Variants in VHL observed in about 807,000 individuals in gnomAD.
VHL encodes the protein von Hippel-Lindau tumor suppressor.
In VHL, 10 loss-of-function variants were observed where a neutral mutation model predicts 19.2. The observed-to-expected ratio is 0.52, with a 90% confidence interval of 0.32 to 0.89. The LOEUF is 0.89. Among genes scored for constraint, VHL ranks in the 40% least tolerant of loss-of-function variants. VHL has a pLI of 0.03. For missense variants in VHL, 328 were observed against 292.7 expected (o/e 1.12, Z -0.88); for synonymous variants, 167 against 129.5 (o/e 1.29, Z -1.97).
chr3:10,146,506 C>G lies in VHL; in HGVS notation c.341-8C>G, dbSNP rs1272767361. On this transcript the variant is annotated splice_polypyrimidine_tract_variant and splice_region_variant and intron_variant, in intron 1 of 2. Coordinates refer to ENST00000256474, the MANE Select transcript of VHL (RefSeq NM_000551.4). ...TGGCTCTTTAACAACCTTTGCTTGT[C>G]CCGATAGGTCACCTTTGGCTCTTCA... The G allele has an allele frequency of 1.2e-6, 2 of 1,613,358 alleles. No individual in the cohort carries two copies. Among genetic ancestry groups the G allele is most frequent in the Non-Finnish European group, 1.7e-6 (2 of 1,179,580 alleles).
At chr3:10,144,496 CT>C (rs34512214) in intron 1 of VHL, among the ~76,000 whole-genome samples, 15 of 116,604 alleles carry the variant, frequency 1.3e-4, no homozygotes, top group East Asian at 4.7e-4. Context: ...TCTATCTTGT[CT>C]TTTTTTTTTT....
chr3:10,148,874 T>C (rs1195454022), intron 2 of VHL, among the ~76,000 whole-genome samples: 4 of 151,386 alleles, frequency 2.6e-5, no homozygotes, highest in Admixed American at 1.3e-4. Flanking sequence ...GGTTTCACCA[T>C]GTTGACCAGG....
chr3:10,144,989 C>A (rs570466274), intron 1 of VHL, among the ~76,000 whole-genome samples: 1 of 152,254 alleles, frequency 6.6e-6, no homozygotes, highest in South Asian at 2.1e-4. Context: ...GTCAGGAGTT[C>A]AAGACCAGCC....
At position 10,146,743 on chromosome 3, in the gene VHL, G is replaced by A. The variant is rs915946923; in HGVS notation, c.463+107G>A. 4.5e-5 allele frequency: 62 copies of A among 1,372,984 alleles called. No homozygotes were observed. In the Admixed American group the frequency reaches 5.8e-4, roughly 13 times the overall value. 85.1% of individuals were successfully genotyped at this position (1,372,984 alleles called of 1,614,324 possible). A position where few individuals can be genotyped will look rare whatever the true frequency, so the allele number is the denominator to read the frequency against. The stretch of plus-strand genomic sequence containing the variant: ...TCAATTTTTGCCTGATGTCAGGCAC[G>A]TTATCCAATCTTTTTGTATCCTATT... On this transcript the variant is annotated intron_variant, in intron 2 of 2. Transcript: ENST00000256474.
rs771727849 is a variant in VHL, at chr3:10,146,608, G to A, written c.435G>A (p.Gln145=). Residue 145 remains glutamine, a synonymous_variant, in exon 2 of 3, where the codon CAG becomes CAA. Coordinates refer to ENST00000256474, the MANE Select transcript of VHL (RefSeq NM_000551.4). The part of the protein sequence containing the change: ...LFVPSLNVDG[Q]PIFANITLPV... ...TGCCATCTCTCAATGTTGACGGACA[G>A]CCTATTTTTGCCAATATCACACTGC... The A allele has an allele frequency of 1.2e-6, 2 of 1,613,976 alleles. No individual in the cohort carries two copies. Among genetic ancestry groups the A allele is most frequent in the Non-Finnish European group, 1.7e-6 (2 of 1,179,898 alleles).
rs1696392164 is a variant in VHL, at chr3:10,150,818, TGTGA to T, written c.*856_*859del. On this transcript the variant is annotated 3_prime_UTR_variant, in exon 3 of 3. Coordinates refer to ENST00000256474, the MANE Select transcript of VHL (RefSeq NM_000551.4). The stretch of plus-strand genomic sequence containing the variant: ...AATGGACAAATAAGTTTTTGCTAAA[TGTGA>T]GTATTTCTGTTCCTTTTTGTAAATA... 4.3e-6 allele frequency: 1 copy of T among 232,692 alleles called. No homozygotes were observed. Among genetic ancestry groups the T allele is most frequent in the Non-Finnish European group, 8.5e-6 (1 of 117,784 alleles). The allele number at this position is 232,692 out of a possible 1,614,324, so 14.4% of individuals were successfully genotyped here. A position where few individuals can be genotyped will look rare whatever the true frequency, so the allele number is the denominator to read the frequency against.
intron 1 of VHL, among the ~76,000 whole-genome samples, chr3:10,144,496 C>CT (rs34512214): frequency 0.69 from 80,021 of 116,146 alleles, 28,183 homozygotes; most frequent in East Asian, 0.83. Context: ...TCTATCTTGT[C>CT]TTTTTTTTTT....
rs375401722 is a variant in VHL at position 10,146,546 on chromosome 3, C to T, written c.373C>T (p.His125Tyr). The T allele has an allele frequency of 1.9e-5, 31 of 1,613,880 alleles. No homozygotes were observed. Among genetic ancestry groups the T allele is most frequent in the Non-Finnish European group, 2.3e-5 (27 of 1,179,922 alleles). ...TTGGCTCTTCAGAGATGCAGGGACA[C>T]ACGATGGGCTTCTGGTTAACCAAAC... ...HLWLFRDAGT[H>Y]DGLLVNQTEL... Residue 125 changes from histidine to tyrosine, a missense_variant, in exon 2 of 3, where the codon CAC becomes TAC. Physicochemically the swap from His to Tyr is moderately conservative, Grantham distance 83. Transcript: ENST00000256474.
Position 10,141,921 on chromosome 3 carries a change from C to G in VHL, c.74C>G (p.Pro25Arg), listed in dbSNP as rs35460768. 6.5e-7 allele frequency: 1 copy of G among 1,539,538 alleles called. No individual in the cohort carries two copies. Among genetic ancestry groups the G allele is most frequent in the South Asian group, 1.2e-5 (1 of 82,712 alleles). ...AEEAGVEEYG[P>R]EEDGGEESGA... ...GAGGCAGGCGTCGAAGAGTACGGCCCTGAAGAAGACGGCGGGGAGGAGTCG... is the reference window on the plus strand; with the variant it reads ...GAGGCAGGCGTCGAAGAGTACGGCCGTGAAGAAGACGGCGGGGAGGAGTCG... Residue 25 changes from proline to arginine, a missense_variant, in exon 1 of 3, where the codon CCT becomes CGT. Physicochemically the swap from Pro to Arg is moderately radical, Grantham distance 103. Transcript: ENST00000256474.
At position 10,150,457 on chromosome 3, in the gene VHL, A is replaced by G. The variant is rs1349888000; in HGVS notation, c.*492A>G. 3 of 765,160 alleles carry G rather than the reference A, an allele frequency of 3.9e-6. No individual in the cohort carries two copies. Among genetic ancestry groups the G allele is most frequent in the Middle Eastern group, 5.2e-4 (1 of 1,934 alleles). 47.4% of individuals were successfully genotyped at this position (765,160 alleles called of 1,614,324 possible). On this transcript the variant is annotated 3_prime_UTR_variant, in exon 3 of 3. Coordinates refer to ENST00000256474, the MANE Select transcript of VHL (RefSeq NM_000551.4). ...CTCTTTGAGACCCCAGTGCCTGCAC[A>G]TCATGAGCCTTCAGTCAGGGTTTGT...
At chr3:10,148,555 C>T (rs1173036807) in intron 2 of VHL, among the ~76,000 whole-genome samples, 1 of 151,672 alleles carries the variant, frequency 6.6e-6, no homozygotes, top group Non-Finnish European at 1.5e-5. Flanking sequence ...ACCTCGTGAT[C>T]CGCCCGCCTC....
chr3:10,146,173 CT>C (rs367615363), intron 1 of VHL, among the ~76,000 whole-genome samples: 190 of 131,506 alleles, frequency 1.4e-3, no homozygotes, highest in South Asian at 2.9e-3. Flanking sequence ...CAGTCTGGCT[CT>C]TTTTTTTTTT....
rs1457039250 is a variant in VHL, at chr3:10,141,986, G to A, written c.139G>A (p.Glu47Lys). 2 of 1,570,700 alleles carry A rather than the reference G, an allele frequency of 1.3e-6. No individual in the cohort carries two copies. Among genetic ancestry groups the A allele is most frequent in the Admixed American group, 1.9e-5 (1 of 53,202 alleles). The change falls in exon 1 of 3, where the codon GAA (glutamate) becomes AAA (lysine). Residue 47 changes from glutamate (E) to lysine (K), a missense_variant. Glu to Lys is a moderately conservative substitution (Grantham distance 56). Coordinates refer to ENST00000256474, the MANE Select transcript of VHL (RefSeq NM_000551.4). ...ESGPEESGPE[E>K]LGAEEEMEAG... ...CGGCCCGGAAGAGTCCGGCCCGGAG[G>A]AACTGGGCGCCGAGGAGGAGATGGA...
At position 10,146,613 on chromosome 3, in the gene VHL, T is replaced by C. The variant is rs1060503555; in HGVS notation, c.440T>C (p.Ile147Thr). The change falls in exon 2 of 3, where the codon ATT becomes ACT. Residue 147 changes from isoleucine to threonine, a missense_variant. Ile to Thr is a moderately conservative substitution (Grantham distance 89). Coordinates refer to ENST00000256474, the MANE Select transcript of VHL (RefSeq NM_000551.4). ...TCTCTCAATGTTGACGGACAGCCTA[T>C]TTTTGCCAATATCACACTGCCAGGT... ...VPSLNVDGQP[I>T]FANITLPVYT... 6.8e-6 allele frequency: 11 copies of C among 1,613,854 alleles called. No homozygotes were observed. The highest frequency in any genetic ancestry group is 8.5e-6 in the Non-Finnish European group (10 of 1,179,890).
At chr3:10,147,363 T>TG in intron 2 of VHL, among the ~76,000 whole-genome samples, 1 of 35,730 alleles carries the variant, frequency 2.8e-5, no homozygotes, top group Non-Finnish European at 5.5e-5. Context: ...AGAGGTGTTT[T>TG]TTTTTTTTTT....
rs1247645604 is a variant in VHL, at chr3:10,150,292, G to A, written c.*327G>A. On this transcript the variant is annotated 3_prime_UTR_variant, in exon 3 of 3. Coordinates refer to ENST00000256474, the MANE Select transcript of VHL (RefSeq NM_000551.4). ...AATTCAGTGGGAATTGCAGCATATC[G>A]TTTAATTTTAAGAAGGCATTGGCAT... is the stretch of plus-strand genomic sequence containing the variant. 8 of 1,276,414 alleles carry A rather than the reference G, an allele frequency of 6.3e-6. No individual in the cohort carries two copies. The highest frequency in any genetic ancestry group is 1.5e-5 in the African/African-American group (1 of 66,780). 79.1% of individuals were successfully genotyped at this position (1,276,414 alleles called of 1,614,324 possible).
chr3:10,149,707 A>G, intron 2 of VHL, 80 bp from the exon 3 acceptor site: 1 of 1,184,274 alleles, frequency 8.4e-7, no homozygotes, highest in Non-Finnish European at 1.2e-6. Context: ...TAGTACAGGT[A>G]GTTGTTGGCA....
At position 10,146,501 on chromosome 3, in the gene VHL, C is replaced by T. The variant is rs1696259940; in HGVS notation, c.341-13C>T. On this transcript the variant is annotated splice_polypyrimidine_tract_variant and intron_variant, in intron 1 of 2. Coordinates refer to ENST00000256474, the MANE Select transcript of VHL (RefSeq NM_000551.4). ...CGGTGTGGCTCTTTAACAACCTTTG[C>T]TTGTCCCGATAGGTCACCTTTGGCT... 3 of 1,613,264 alleles carry T rather than the reference C, an allele frequency of 1.9e-6. No individual in the cohort carries two copies. Among genetic ancestry groups the T allele is most frequent in the Non-Finnish European group, 1.7e-6 (2 of 1,179,434 alleles).
In VHL at chr3:10,150,722, A is replaced by C; in HGVS notation, c.*757A>C. The C allele has an allele frequency of 4.3e-6, 1 of 233,416 alleles. No individual in the cohort carries two copies. The highest frequency in any genetic ancestry group is 8.5e-6 in the Non-Finnish European group (1 of 118,166). The allele number at this position is 233,416 out of a possible 1,614,324, so 14.5% of individuals were successfully genotyped here. A position where few individuals can be genotyped will look rare whatever the true frequency, so the allele number is the denominator to read the frequency against. ...CTAGGATTGACATTCTACAGTTGTG[A>C]TAATAGCATTTTTGTAACTTGCCAT... is the stretch of plus-strand genomic sequence containing the variant. On this transcript the variant is annotated 3_prime_UTR_variant, in exon 3 of 3. Coordinates refer to ENST00000256474, the MANE Select transcript of VHL (RefSeq NM_000551.4).
Sources: gnomAD v4.1 joint callset for allele counts (sites outside exome capture counted in the v4.1 genomes callset) on GRCh38, gnomAD v4.1.1 for gene constraint, MANE v1.5 for transcripts, NCBI Gene and HGNC (gene_info 2026-07-23, HGNC 2026-07-21) for gene names.